Variants in GFM2 observed in about 807,000 individuals in gnomAD.
The protein encoded by GFM2 is GTP dependent ribosome recycling factor mitochondrial 2.
A neutral mutation model predicts 95.4 loss-of-function variants in GFM2; 72 were observed. The ratio of observed to expected loss-of-function variants is 0.76; its 90% confidence interval spans 0.62 to 0.92. GFM2 has a LOEUF of 0.92. Ranked by LOEUF, GFM2 falls within the 40% of genes least tolerant of loss-of-function variation. The pLI, the probability that GFM2 is intolerant of heterozygous loss-of-function variation, is 0.00. For missense variants in GFM2, 825 were observed against 924.1 expected (o/e 0.89, Z 1.39); for synonymous variants, 276 against 317.5 (o/e 0.87, Z 1.39).
intron 15 of GFM2, among the ~76,000 whole-genome samples, chr5:74,736,074 AC>A: frequency 6.6e-6 from 1 of 152,232 alleles, no homozygotes; most frequent in Non-Finnish European, 1.5e-5. Context: ...CTCAGGCAGG[AC>A]AAAAAGATTA....
intron 17 of GFM2, among the ~76,000 whole-genome samples, chr5:74,726,673 A>C (rs1201535169): frequency 6.6e-6 from 1 of 152,198 alleles, no homozygotes; most frequent in Admixed American, 6.5e-5. Flanking sequence ...TTTGCTAAAA[A>C]CCAACAATCT....
At chr5:74,743,807 T>C (rs1403372300) in intron 10 of GFM2, among the ~76,000 whole-genome samples, 1 of 152,214 alleles carries the variant, frequency 6.6e-6, no homozygotes, top group Non-Finnish European at 1.5e-5. Flanking sequence ...TGGGTTCAGA[T>C]TCTAGCTCAG....
chr5:74,729,219 G>A (rs911647429), intron 17 of GFM2, among the ~76,000 whole-genome samples: 1 of 152,174 alleles, frequency 6.6e-6, no homozygotes. Context: ...CTAAAGACCT[G>A]TATCAGAAGC....
At chr5:74,763,114 G>C (rs1157623691) in intron 2 of GFM2, among the ~76,000 whole-genome samples, 3 of 152,194 alleles carry the variant, frequency 2.0e-5, no homozygotes, top group Non-Finnish European at 4.4e-5. Context: ...TGATAGTTTA[G>C]AAAATAATTT....
At position 74,721,675 on chromosome 5, in the gene GFM2, G is replaced by GGTTGAGCAGTGTATTTTGATCTTGA. The variant is rs1749887450; in HGVS notation, c.2295_2319dup (p.Arg774SerfsTer28). ...AACATTTAGGTCAAACCACTTCTCC[G>GGTTGAGCAGTGTATTTTGATCTTGA]GTTGAGCAGTGTATTTTGATCTTGA... On this transcript the variant is annotated frameshift_variant, in exon 21 of 21. Coordinates refer to ENST00000296805, the MANE Select transcript of GFM2 (RefSeq NM_032380.5). LOFTEE classifies it high-confidence loss of function. 1 of 1,613,038 alleles carries GGTTGAGCAGTGTATTTTGATCTTGA rather than the reference G, an allele frequency of 6.2e-7. No homozygotes were observed. The highest frequency in any genetic ancestry group is 1.3e-5 in the African/African-American group (1 of 74,984).
chr5:74,724,030 GAGA>G (rs1468145971), intron 19 of GFM2, among the ~76,000 whole-genome samples: 5 of 152,120 alleles, frequency 3.3e-5, no homozygotes, highest in African/African-American at 7.2e-5. Context: ...TACAAGCAGA[GAGA>G]AGGAGATTCC....
chr5:74,763,654 CACTT>C, intron 2 of GFM2, 22 bp downstream of exon 2: 3 of 1,348,354 alleles, frequency 2.2e-6, no homozygotes, highest in East Asian at 2.3e-5. Flanking sequence ...TGTTAAAGGA[CACTT>C]AATTTTATAA....
intron 7 of GFM2, among the ~76,000 whole-genome samples, chr5:74,750,096 C>T (rs1282500193): frequency 6.6e-6 from 1 of 152,206 alleles, no homozygotes; most frequent in African/African-American, 2.4e-5. Flanking sequence ...AAACAAGTGC[C>T]TTCTCCTTCA....
intron 15 of GFM2, among the ~76,000 whole-genome samples, chr5:74,734,878 G>C (rs532607949): frequency 1.1e-3 from 168 of 152,254 alleles, no homozygotes; most frequent in Non-Finnish European, 2.0e-3. Context: ...CCATTAATGA[G>C]ACTTTGGATA....
chr5:74,758,818 G>T (rs767915983), intron 5 of GFM2, 31 bp downstream of exon 5: 14 of 1,315,732 alleles, frequency 1.1e-5, no homozygotes, highest in African/African-American at 2.9e-5. Flanking sequence ...TTGCTAATGG[G>T]GGGGTGGGAA....
chr5:74,751,374 T>C lies in GFM2; in HGVS notation c.424A>G (p.Thr142Ala), dbSNP rs752334146. The C allele has an allele frequency of 1.2e-6, 2 of 1,612,822 alleles. No individual in the cohort carries two copies. Among genetic ancestry groups the C allele is most frequent in the South Asian group, 1.1e-5 (1 of 90,920 alleles). ...TACTGGAATCGTACCATACCTGGTG[T>C]ATCAATTAGATTGACTCTATAACCT... ...WKGYRVNLID[T>A]PGHVDFTLEV... Residue 142 changes from threonine to alanine, a missense_variant, in exon 6 of 21, where the codon ACA (threonine) becomes GCA (alanine). By Grantham distance (58) the Thr-to-Ala change is moderately conservative (BLOSUM62 0). Transcript: ENST00000296805.
chr5:74,736,606 G>A, intron 15 of GFM2, 190 bp downstream of exon 15: 1 of 1,421,504 alleles, frequency 7.0e-7, no homozygotes, highest in Non-Finnish European at 9.1e-7. Context: ...GAAATAAGAA[G>A]AGAAAAAAAT....
In GFM2 at chr5:74,738,482, T is replaced by A. The variant is rs1017803669; in HGVS notation, c.1220+20A>T. The A allele has an allele frequency of 1.2e-6, 2 of 1,609,930 alleles. No individual in the cohort carries two copies. The highest frequency in any genetic ancestry group is 2.7e-5 in the African/African-American group (2 of 74,502). ...AAGAAGTGCATACAGTTTTATAAAA[T>A]AATCTAAGCTTCTACTTACGTGCAG... On this transcript the variant is annotated intron_variant, in intron 13 of 20. Coordinates refer to ENST00000296805, the MANE Select transcript of GFM2 (RefSeq NM_032380.5).
At chr5:74,748,588 A>G (rs1008123402) in intron 7 of GFM2, among the ~76,000 whole-genome samples, 1 of 152,100 alleles carries the variant, frequency 6.6e-6, no homozygotes, top group African/African-American at 2.4e-5. Flanking sequence ...CCTATCCACC[A>G]GTGCGGTGGC....
At chr5:74,730,217 CAGAA>C (rs758019504) in intron 17 of GFM2, 39 bp downstream of exon 17, 30 of 1,555,368 alleles carry the variant, frequency 1.9e-5, no homozygotes, top group Middle Eastern at 3.4e-4. Flanking sequence ...GAAAGAAAGA[CAGAA>C]AGAGAGAAAA....
intron 7 of GFM2, among the ~76,000 whole-genome samples, chr5:74,748,928 A>T (rs1428758011): frequency 1.9e-5 from 2 of 103,760 alleles, no homozygotes; most frequent in East Asian, 2.0e-4. Context: ...AAAAAAAAAT[A>T]AAAAAAATAA....
chr5:74,731,354 A>G (rs1742551564), intron 16 of GFM2, among the ~76,000 whole-genome samples: 1 of 152,228 alleles, frequency 6.6e-6, no homozygotes, highest in Non-Finnish European at 1.5e-5. Context: ...TAAAGGTATT[A>G]GCGTATTAGC....
intron 7 of GFM2, among the ~76,000 whole-genome samples, chr5:74,748,236 T>C (rs1743489603): frequency 2.0e-5 from 3 of 152,198 alleles, no homozygotes; most frequent in African/African-American, 7.2e-5. Flanking sequence ...GTAAAAGAAA[T>C]ATAGGAGTGT....
intron 12 of GFM2, among the ~76,000 whole-genome samples, chr5:74,739,640 T>G (rs1179687817): frequency 6.6e-6 from 1 of 152,134 alleles, no homozygotes; most frequent in African/African-American, 2.4e-5. Context: ...AGCCACAAAA[T>G]ATTTTGAGCT....
Sources: gnomAD v4.1 joint callset for allele counts (sites outside exome capture counted in the v4.1 genomes callset) on GRCh38, gnomAD v4.1.1 for gene constraint, MANE v1.5 for transcripts, NCBI Gene and HGNC (gene_info 2026-07-23, HGNC 2026-07-21) for gene names.